Variants in DSCAM observed in about 807,000 individuals in gnomAD.
The protein encoded by DSCAM is DS cell adhesion molecule, also known as cell adhesion molecule DSCAM.
In DSCAM, 47 loss-of-function variants were observed where a neutral mutation model predicts 217.7. The observed-to-expected ratio is 0.22, with a 90% confidence interval of 0.17 to 0.28. DSCAM has a LOEUF of 0.28. Among genes scored for constraint, DSCAM ranks in the 10% least tolerant of loss-of-function variants. The pLI is 1.00. For missense variants in DSCAM, 2,080 were observed against 2,618.3 expected (o/e 0.79, Z 4.49); for synonymous variants, 1,056 against 1,015.3 (o/e 1.04, Z -0.76).
intron 3 of DSCAM, among the ~76,000 whole-genome samples, chr21:40,401,923 C>T (rs531013624): frequency 6.6e-6 from 1 of 152,204 alleles, no homozygotes; most frequent in South Asian, 2.1e-4. Flanking sequence ...ATTTTACACC[C>T]AACTGAGCAG....
At chr21:40,730,443 G>A (rs564283280) in intron 1 of DSCAM, among the ~76,000 whole-genome samples, 3 of 152,174 alleles carry the variant, frequency 2.0e-5, no homozygotes, top group Admixed American at 6.5e-5. Context: ...AAATTAAACC[G>A]ACCCAGGATC....
At chr21:40,581,136 G>A (rs2076902369) in intron 3 of DSCAM, among the ~76,000 whole-genome samples, 2 of 152,220 alleles carry the variant, frequency 1.3e-5, no homozygotes, top group African/African-American at 2.4e-5. Context: ...GGATAAAGCA[G>A]GTCCTTTTAA....
chr21:40,217,132 T>G (rs956636369), intron 11 of DSCAM, among the ~76,000 whole-genome samples: 1 of 152,224 alleles, frequency 6.6e-6, no homozygotes, highest in Admixed American at 6.5e-5. Flanking sequence ...AAGATTATTT[T>G]ATATTTGAAG....
intron 1 of DSCAM, among the ~76,000 whole-genome samples, chr21:40,768,527 G>C (rs1339421932): frequency 2.6e-5 from 4 of 152,212 alleles, no homozygotes; most frequent in Admixed American, 1.3e-4. Context: ...CATAACCTGT[G>C]AGGAAAAGAT....
chr21:40,836,919 A>G (rs2092061751), intron 1 of DSCAM, among the ~76,000 whole-genome samples: 1 of 152,190 alleles, frequency 6.6e-6, no homozygotes, highest in African/African-American at 2.4e-5. Context: ...CATTCCCCAC[A>G]ACGCTGGCAT....
Position 40,013,325 on chromosome 21 carries a change from T to C in DSCAM, c.5748A>G (p.Pro1916=), listed in dbSNP as rs950280701. The C allele has an allele frequency of 2.5e-6, 4 of 1,608,874 alleles. No homozygotes were observed. Among genetic ancestry groups the C allele is most frequent in the Non-Finnish European group, 3.4e-6 (4 of 1,177,988 alleles). Reference sequence around the variant, plus strand: ...CTAAGCTCAGGTCCCTGCTGGTGCCTGGACCACCTCGGTTTAACAAAAAGT... The same window carrying C: ...CTAAGCTCAGGTCCCTGCTGGTGCCCGGACCACCTCGGTTTAACAAAAAGT... The part of the protein sequence containing the change: ...RMDFLLNRGG[P]GTSRDLSLGQ... Residue 1916 remains proline (P), a synonymous_variant, in exon 33 of 33, where the codon CCA becomes CCG. Transcript: ENST00000400454.
chr21:40,339,590 A>T (rs758633740), intron 6 of DSCAM, among the ~76,000 whole-genome samples, 175 bp from the exon 7 acceptor site: 7 of 152,206 alleles, frequency 4.6e-5, no homozygotes, highest in Non-Finnish European at 7.3e-5. Flanking sequence ...CTGTTTTCAA[A>T]ACAGGTAAGC....
At chr21:40,531,407 G>T (rs966613958) in intron 3 of DSCAM, among the ~76,000 whole-genome samples, 1 of 152,112 alleles carries the variant, frequency 6.6e-6, no homozygotes, top group Non-Finnish European at 1.5e-5. Context: ...GCTCCTGCAC[G>T]GTCCTTCTCC....
rs148014052 is a variant in DSCAM, at chr21:40,846,274, A to G, written c.43+345T>C. The stretch of plus-strand genomic sequence containing the variant: ...GTCACATCCCTTTCCAGGTTGTAAT[A>G]TTCAAAGTGGCAATCTTCCTGTCTC... On this transcript the variant is annotated intron_variant, in intron 1 of 32. Coordinates refer to ENST00000400454, the MANE Select transcript of DSCAM (RefSeq NM_001389.5). Among the ~76,000 whole-genome samples the G allele has an allele frequency of 4.0e-3, 616 of 152,154 alleles. 3 individuals are homozygous for G. The highest frequency in any genetic ancestry group is 6.4e-3 in the Non-Finnish European group (436 of 68,010).
chr21:40,192,259 C>A (rs527468720), intron 11 of DSCAM, among the ~76,000 whole-genome samples: 26 of 152,080 alleles, frequency 1.7e-4, no homozygotes, highest in Non-Finnish European at 3.7e-4. Context: ...TTGGCTGTGT[C>A]CCCACCCAAC....
intron 1 of DSCAM, among the ~76,000 whole-genome samples, chr21:40,800,234 T>A (rs915423884): frequency 6.6e-6 from 1 of 152,178 alleles, no homozygotes; most frequent in Non-Finnish European, 1.5e-5. Flanking sequence ...AAATTACTTT[T>A]CTTTATAAAT....
chr21:40,575,221 G>T (rs535154179), intron 3 of DSCAM, among the ~76,000 whole-genome samples: 9 of 114,210 alleles, frequency 7.9e-5, no homozygotes, highest in Non-Finnish European at 1.5e-4. Context: ...CCCCCACTCC[G>T]GCCCTCCAGA....
intron 1 of DSCAM, among the ~76,000 whole-genome samples, chr21:40,760,219 C>T (rs976522678): frequency 4.2e-4 from 64 of 152,012 alleles, no homozygotes; most frequent in Admixed American, 2.6e-3. Flanking sequence ...GGTTTCACCA[C>T]GTTGGCCAGG....
intron 1 of DSCAM, among the ~76,000 whole-genome samples, chr21:40,783,978 AAAG>A (rs2091569752): frequency 6.6e-6 from 1 of 151,886 alleles, no homozygotes; most frequent in African/African-American, 2.4e-5. Flanking sequence ...TTTTTGGAGA[AAAG>A]AAAATATTTT....
At chr21:40,563,326 G>C (rs2837707) in intron 3 of DSCAM, among the ~76,000 whole-genome samples, 68,751 of 151,252 alleles carry the variant, frequency 0.45, 16,369 homozygotes, top group Admixed American at 0.55. Context: ...ACACATCATA[G>C]AGAAGCAGCA....
At chr21:40,296,221 T>C in intron 9 of DSCAM, 47 bp from the exon 10 acceptor site, 1 of 1,600,190 alleles carries the variant, frequency 6.2e-7, no homozygotes. Context: ...GACCAGAAAC[T>C]GAGTAAAGGT....
At chr21:40,330,648 C>T (rs1308108629) in intron 8 of DSCAM, among the ~76,000 whole-genome samples, 2 of 152,042 alleles carry the variant, frequency 1.3e-5, no homozygotes, top group Admixed American at 6.6e-5. Flanking sequence ...TTTTGATATC[C>T]TACCTCTCTT....
intron 1 of DSCAM, among the ~76,000 whole-genome samples, chr21:40,782,395 A>C (rs1416118906): frequency 1.3e-5 from 2 of 152,120 alleles, no homozygotes; most frequent in East Asian, 3.9e-4. Flanking sequence ...CCTAAATTAC[A>C]AACTTCTCAC....
intron 3 of DSCAM, among the ~76,000 whole-genome samples, chr21:40,417,156 A>C (rs2075379746): frequency 6.6e-6 from 1 of 152,176 alleles, no homozygotes; most frequent in Admixed American, 6.5e-5. Context: ...AAAGTTGTTA[A>C]GGTTGCGTGA....
Sources: allele counts gnomAD v4.1 joint callset (sites outside exome capture counted in the v4.1 genomes callset), GRCh38; gene constraint gnomAD v4.1.1; transcripts MANE v1.5; gene names NCBI Gene and HGNC (gene_info 2026-07-23, HGNC 2026-07-21).